The following NME8 variants were observed in gnomAD, a reference collection of about 807,000 sequenced individuals.
NME8 encodes the protein NME/NM23 family member 8, also known as protein NME8.
Under a neutral mutation model 82.3 loss-of-function variants are expected in NME8, and 72 were observed. The observed-to-expected ratio is 0.87, with a 90% CI of 0.72 to 1.06. The LOEUF is 1.06. NME8 is among the 50% of genes least tolerant of loss of function. NME8 has a pLI of 0.00. For synonymous variants in NME8, 267 were observed against 228.5 expected (o/e 1.17, Z -1.52); for missense variants, 712 against 685.4 (o/e 1.04, Z -0.43).
rs890281125 is a variant in NME8, at chr7:37,865,675, G to A, written c.621+58G>A. 1.1e-5 allele frequency: 13 copies of A among 1,177,252 alleles called. No individual in the cohort carries two copies. The African/African-American group carries it at 1.7e-4, about 15-fold the overall frequency. The allele number at this position is 1,177,252 out of a possible 1,614,324, so 72.9% of individuals were successfully genotyped here. ...TGTTTAAATACAGTGGCCTCCATAA[G>A]CTTTAAATCTTTATTACAGAAAAGC... On this transcript the variant is annotated intron_variant, in intron 10 of 17. Transcript: ENST00000199447.
chr7:37,849,836 A>C (rs1784412076), intron 2 of NME8, among the ~76,000 whole-genome samples: 1 of 146,698 alleles, frequency 6.8e-6, no homozygotes, highest in Non-Finnish European at 1.5e-5. Context: ...GTGCCACTGC[A>C]CTCCAGTCTG....
rs148479667 is a variant in NME8, at chr7:37,884,370, G to A, written c.1062G>A (p.Ser354=). The change falls in exon 13 of 18, where the codon TCG becomes TCA. Residue 354 remains serine, a synonymous_variant. Transcript: ENST00000199447. ...KILEQRQVVL[S]EKEAQALCKE... is the part of the protein sequence containing the mutation. ...TGGAGCAAAGACAAGTAGTATTATC[G>A]GAAAAAGAAGCACAAGCACTGTGCA... 5.4e-5 allele frequency: 86 copies of A among 1,605,402 alleles called. No individual in the cohort carries two copies. Among genetic ancestry groups the A allele is most frequent in the Middle Eastern group, 3.3e-4 (2 of 6,036 alleles).
chr7:37,869,921 G>A (rs1290989055), intron 11 of NME8, among the ~76,000 whole-genome samples: 1 of 152,168 alleles, frequency 6.6e-6, no homozygotes, highest in Non-Finnish European at 1.5e-5. Context: ...ACAGGATGAA[G>A]CTGAATTTCT....
At chr7:37,884,080 T>A (rs1459574482) in intron 12 of NME8, among the ~76,000 whole-genome samples, 1 of 152,156 alleles carries the variant, frequency 6.6e-6, no homozygotes, top group Non-Finnish European at 1.5e-5. Flanking sequence ...TGTGTGTGCA[T>A]GCATGATTCC....
At position 37,853,676 on chromosome 7, in the gene NME8, G is replaced by A. The variant is rs557055251; in HGVS notation, c.198+2941G>A. 2.0e-5 allele frequency among the ~76,000 whole-genome samples: 3 copies of A among 152,228 alleles called. No homozygotes were observed. In the South Asian group the frequency reaches 6.2e-4, roughly 32 times the overall value. On this transcript the variant is annotated intron_variant, in intron 5 of 17. Transcript: ENST00000199447. ...AATTATATCTCCAAACCTCCATTGT[G>A]AGCAGCAATGGAGGGATGCCCTCTG...
rs756844391 is a variant in NME8, at chr7:37,865,528, A to T, written c.532A>T (p.Thr178Ser). 1 of 1,609,218 alleles carries T rather than the reference A, an allele frequency of 6.2e-7. No individual in the cohort carries two copies. Among genetic ancestry groups the T allele is most frequent in the Admixed American group, 1.7e-5 (1 of 59,996 alleles). The change falls in exon 10 of 18, where the codon ACC (threonine) becomes TCC (serine). Residue 178 changes from threonine (T) to serine (S), a missense_variant. Transcript: ENST00000199447. ...KKVLEIKRKI[T>S]KAGFIIEAEH... Reference sequence around the variant, plus strand: ...TGACCTTACTCTCTAATTGAAGATTACCAAAGCTGGATTTATTATAGAAGC... The same window carrying T: ...TGACCTTACTCTCTAATTGAAGATTTCCAAAGCTGGATTTATTATAGAAGC...
intron 5 of NME8, among the ~76,000 whole-genome samples, chr7:37,851,743 C>A (rs1052701786): frequency 5.9e-5 from 9 of 151,908 alleles, no homozygotes; most frequent in Admixed American, 5.3e-4. Context: ...TATAGAAAAG[C>A]TCCCAAACCA....
chr7:37,849,057 G>A lies in NME8; in HGVS notation c.-8+1G>A, dbSNP rs921584203. 1 of 152,454 alleles carries A rather than the reference G, an allele frequency of 6.6e-6. No homozygotes were observed. The highest frequency in any genetic ancestry group is 2.4e-5 in the African/African-American group (1 of 41,466). The allele number at this position is 152,454 out of a possible 1,614,324, so 9.4% of individuals were successfully genotyped here. A position where few individuals can be genotyped will look rare whatever the true frequency, so the allele number is the denominator to read the frequency against. ...TAGCTTAGAGGAGGACCTGTTTTGTGTAAGGCTTGCCGGAGCAACCAGCAC... is the reference window on the plus strand; with the variant it reads ...TAGCTTAGAGGAGGACCTGTTTTGTATAAGGCTTGCCGGAGCAACCAGCAC... On this transcript the variant is annotated splice_donor_variant, in intron 2 of 17. Coordinates refer to ENST00000199447, the MANE Select transcript of NME8 (RefSeq NM_016616.5). LOFTEE classifies it low-confidence loss of function (5UTR_SPLICE).
rs549991105 is a variant in NME8 at position 37,891,930 on chromosome 7, A to G, written c.1400-2536A>G. On this transcript the variant is annotated intron_variant, in intron 15 of 17. Coordinates refer to ENST00000199447, the MANE Select transcript of NME8 (RefSeq NM_016616.5). ...AATCTACTTTCTTATTTCTTGAGCTATTCTCCTATTTTTTGAACTTGTGTT... is the reference window on the plus strand; with the variant it reads ...AATCTACTTTCTTATTTCTTGAGCTGTTCTCCTATTTTTTGAACTTGTGTT... 2.8e-3 allele frequency among the ~76,000 whole-genome samples: 423 copies of G among 150,044 alleles called. 4 individuals are homozygous for G. Among genetic ancestry groups the G allele is most frequent in the African/African-American group, 9.9e-3 (401 of 40,420 alleles).
At chr7:37,857,177 A>G (rs1784523673) in intron 5 of NME8, 97 bp from the exon 6 acceptor site, 1 of 986,608 alleles carries the variant, frequency 1.0e-6, no homozygotes, top group South Asian at 1.4e-5. Context: ...CAGTAAACCT[A>G]AAAATTATAT....
At chr7:37,882,643 G>GAAAGAAAA (rs796634405) in intron 12 of NME8, among the ~76,000 whole-genome samples, 2 of 49,418 alleles carry the variant, frequency 4.0e-5, no homozygotes, top group African/African-American at 5.8e-5. Context: ...AAGAAAGAAA[G>GAAAGAAAA]AGAAAGAAAG....
At chr7:37,889,262 C>A (rs1406958098) in intron 15 of NME8, among the ~76,000 whole-genome samples, 1 of 151,600 alleles carries the variant, frequency 6.6e-6, no homozygotes, top group East Asian at 1.9e-4. Context: ...GTGATTATTT[C>A]TACTTTACCA....
intron 11 of NME8, among the ~76,000 whole-genome samples, chr7:37,875,775 T>C (rs750186130): frequency 6.6e-6 from 1 of 151,090 alleles, no homozygotes; most frequent in Admixed American, 6.6e-5. Context: ...AAAGAAAAAA[T>C]TGTGGCCCCA....
chr7:37,896,882 G>T lies in NME8; in HGVS notation c.1557G>T (p.Met519Ile). Residue 519 changes from methionine to isoleucine, a missense_variant, in exon 17 of 18, where the codon ATG becomes ATT. Met to Ile is a conservative substitution (Grantham distance 10, BLOSUM62 1). Coordinates refer to ENST00000199447, the MANE Select transcript of NME8 (RefSeq NM_016616.5). ...LLEMLSVGPS[M>I]VMILTKWNAV... ...CCGTTCTTTGCAGGGGTCCATCTAT[G>T]GTCATGATTCTGACCAAGTGGAATG... 6.2e-7 allele frequency: 1 copy of T among 1,613,596 alleles called. No individual in the cohort carries two copies. Among genetic ancestry groups the T allele is most frequent in the Non-Finnish European group, 8.5e-7 (1 of 1,179,676 alleles).
intron 7 of NME8, 78 bp downstream of exon 7, chr7:37,862,222 C>CATTT: frequency 2.2e-6 from 2 of 903,914 alleles, no homozygotes; most frequent in Non-Finnish European, 3.7e-6. Context: ...ACTACTGGTG[C>CATTT]TAGGTACCTC....
At chr7:37,857,206 A>T in intron 5 of NME8, 68 bp from the exon 6 acceptor site, 1 of 1,192,348 alleles carries the variant, frequency 8.4e-7, no homozygotes, top group Non-Finnish European at 1.2e-6. Context: ...GCATTGTTTC[A>T]ACATAGTGTA....
intron 6 of NME8, among the ~76,000 whole-genome samples, chr7:37,861,586 T>A (rs2249433): frequency 2.6e-5 from 4 of 152,048 alleles, no homozygotes; most frequent in East Asian, 1.9e-4. Context: ...GATCCATTAT[T>A]TTATACCATT....
chr7:37,896,742 T>G (rs1277912342), intron 16 of NME8, 128 bp from the exon 17 acceptor site: 2 of 778,790 alleles, frequency 2.6e-6, no homozygotes, highest in African/African-American at 1.7e-5. Flanking sequence ...AGTACATGAT[T>G]GCACTGATAA....
intron 2 of NME8, among the ~76,000 whole-genome samples, chr7:37,849,360 A>G (rs936219176): frequency 2.0e-5 from 3 of 152,188 alleles, no homozygotes; most frequent in Admixed American, 1.3e-4. Flanking sequence ...CTAATATTTC[A>G]GGAAAACAAA....
Sources: gnomAD v4.1 joint callset for allele counts (sites outside exome capture counted in the v4.1 genomes callset) on GRCh38, gnomAD v4.1.1 for gene constraint, MANE v1.5 for transcripts, NCBI Gene and HGNC (gene_info 2026-07-23, HGNC 2026-07-21) for gene names.